The following APBB2 variants were observed in gnomAD, a reference collection of about 807,000 sequenced individuals.
APBB2 encodes Fe65-like 1.
In APBB2, 38 loss-of-function variants were observed where a neutral mutation model predicts 82.5. The ratio of observed to expected loss-of-function variants is 0.46; its 90% confidence interval spans 0.36 to 0.60. The LOEUF is 0.60. APBB2 is among the 20% of genes least tolerant of loss of function. The pLI, the probability that APBB2 is intolerant of heterozygous loss-of-function variation, is 0.00. For synonymous variants in APBB2, 341 were observed against 368.2 expected (o/e 0.93, Z 0.85); for missense variants, 772 against 972.3 (o/e 0.79, Z 2.74).
chr4:41,137,855 A>G (rs1170211142), intron 2 of APBB2, among the ~76,000 whole-genome samples: 1 of 152,206 alleles, frequency 6.6e-6, no homozygotes, highest in Non-Finnish European at 1.5e-5. Flanking sequence ...CACCATACAT[A>G]AAAATTGACC....
At chr4:41,162,745 C>G (rs1196194461) in intron 1 of APBB2, among the ~76,000 whole-genome samples, 1 of 152,124 alleles carries the variant, frequency 6.6e-6, no homozygotes. Flanking sequence ...GGTCCCAGCA[C>G]TCAGGAGGCT....
rs2154298732 is a variant in APBB2 at position 40,826,035 on chromosome 4, G to A, written c.1733-65C>T. ...CAACACACATGTACACAACAGCCGTGGCTCTGCATCATCTGAATGCTCAGG... is the reference window on the plus strand; with the variant it reads ...CAACACACATGTACACAACAGCCGTAGCTCTGCATCATCTGAATGCTCAGG... On this transcript the variant is annotated intron_variant, in intron 14 of 17. Transcript: ENST00000508593. This position sits in a 1 kb window ranked among gnomAD's most constrained non-coding sequence, Gnocchi z 4.5. The A allele has an allele frequency of 7.9e-7, 1 of 1,268,426 alleles. No individual in the cohort carries two copies. The highest frequency in any genetic ancestry group is 1.2e-6 in the Non-Finnish European group (1 of 865,344). 78.6% of individuals were successfully genotyped at this position (1,268,426 alleles called of 1,614,324 possible). A position where few individuals can be genotyped will look rare whatever the true frequency, so the allele number is the denominator to read the frequency against.
chr4:41,167,760 T>C (rs1338901104), intron 1 of APBB2, among the ~76,000 whole-genome samples: 4 of 152,148 alleles, frequency 2.6e-5, no homozygotes, highest in African/African-American at 9.7e-5. Context: ...GATCCTAGTA[T>C]GAGGCTCAAA....
intron 3 of APBB2, among the ~76,000 whole-genome samples, chr4:41,070,362 T>G (rs956905914): frequency 2.6e-5 from 4 of 152,046 alleles, no homozygotes. Flanking sequence ...CAGACTGGAG[T>G]GCGGTGGTGA....
intron 1 of APBB2, among the ~76,000 whole-genome samples, chr4:41,194,991 T>C: frequency 3.9e-5 from 6 of 152,178 alleles, no homozygotes; most frequent in African/African-American, 1.4e-4. Context: ...TTACATGGTC[T>C]TCTTTTGGCT....
rs563060262 is a variant in APBB2, at chr4:40,885,200, T to C, written c.1529+5164A>G. 1.4e-4 allele frequency among the ~76,000 whole-genome samples: 22 copies of C among 152,338 alleles called. No homozygotes were observed. In the South Asian group the frequency reaches 4.3e-3, roughly 30 times the overall value. ...TTCAAGGCATGATAAATCTAAGTCCTGGCAGCCAGGCTGCAAATGTAACAA... is the reference window on the plus strand; with the variant it reads ...TTCAAGGCATGATAAATCTAAGTCCCGGCAGCCAGGCTGCAAATGTAACAA... On this transcript the variant is annotated intron_variant, in intron 12 of 17. Transcript: ENST00000508593.
At chr4:40,924,489 C>A (rs1315921751) in intron 10 of APBB2, among the ~76,000 whole-genome samples, 1 of 152,180 alleles carries the variant, frequency 6.6e-6, no homozygotes, top group African/African-American at 2.4e-5. Flanking sequence ...GCTGCCATTG[C>A]CAAGAAGAGC....
At chr4:41,012,239 G>T (rs988024189) in intron 6 of APBB2, among the ~76,000 whole-genome samples, 1 of 152,210 alleles carries the variant, frequency 6.6e-6, no homozygotes, top group Non-Finnish European at 1.5e-5. Context: ...TGACCAGAGG[G>T]AGACAGCAAG....
intron 6 of APBB2, among the ~76,000 whole-genome samples, chr4:40,997,896 C>A (rs1230802921): frequency 6.6e-6 from 1 of 152,162 alleles, no homozygotes; most frequent in African/African-American, 2.4e-5. Context: ...GCTTCCATGG[C>A]ATACTGAAGT....
chr4:40,947,963 C>A (rs1788908646), intron 6 of APBB2, among the ~76,000 whole-genome samples: 1 of 152,154 alleles, frequency 6.6e-6, no homozygotes, highest in Non-Finnish European at 1.5e-5. Flanking sequence ...GAACTTGGCA[C>A]TTAGCAAAAG....
At chr4:41,137,358 G>A (rs113654437) in intron 2 of APBB2, among the ~76,000 whole-genome samples, 13 of 152,142 alleles carry the variant, frequency 8.5e-5, no homozygotes, top group African/African-American at 3.1e-4. Flanking sequence ...GTATAAAAAT[G>A]ATTACCACCT....
Position 40,907,671 on chromosome 4 carries a change from C to CT in APBB2, c.1255-14261dup, listed in dbSNP as rs34413606. Among the ~76,000 whole-genome samples the CT allele has an allele frequency of 2.2e-3, 206 of 94,838 alleles. 1 individual carries two copies. Among genetic ancestry groups the CT allele is most frequent in the Middle Eastern group, 7.5e-3 (1 of 134 alleles). The allele number at this position is 94,838 out of a possible 152,430, so 62.2% of individuals were successfully genotyped here. On this transcript the variant is annotated intron_variant, in intron 10 of 17. Transcript: ENST00000508593. ...CAGGTGTGAGCCACTGTGCCTGACC[C>CT]TTTTTTTTTTTTTTTTTTTTTGAGA...
At chr4:40,999,965 G>A (rs1419672920) in intron 6 of APBB2, among the ~76,000 whole-genome samples, 1 of 151,722 alleles carries the variant, frequency 6.6e-6, no homozygotes, top group Non-Finnish European at 1.5e-5. Context: ...AGGCCGTTGA[G>A]CCCAGGAGTT....
chr4:40,858,152 T>C (rs1488460946), intron 12 of APBB2, among the ~76,000 whole-genome samples: 2 of 152,190 alleles, frequency 1.3e-5, no homozygotes, highest in East Asian at 3.9e-4. Context: ...AAATGTCCAA[T>C]TGGCTAAGTG....
At chr4:41,105,349 T>C (rs1482894499) in intron 2 of APBB2, among the ~76,000 whole-genome samples, 1 of 152,220 alleles carries the variant, frequency 6.6e-6, no homozygotes, top group Non-Finnish European at 1.5e-5. Context: ...ACTACATGTT[T>C]TGTTTCATTT....
At chr4:41,142,563 C>A (rs1279289459) in intron 2 of APBB2, among the ~76,000 whole-genome samples, 1 of 152,210 alleles carries the variant, frequency 6.6e-6, no homozygotes, top group Non-Finnish European at 1.5e-5. Context: ...ATGCCCCACC[C>A]TTCAAAGTTC....
chr4:40,930,473 G>A (rs533352929), intron 10 of APBB2, among the ~76,000 whole-genome samples: 172 of 141,648 alleles, frequency 1.2e-3, no homozygotes, highest in Admixed American at 1.9e-3. Context: ...GCGCGTGCGC[G>A]TGCGCGTATG....
chr4:40,883,957 T>C (rs1048517903), intron 12 of APBB2, among the ~76,000 whole-genome samples: 2 of 152,212 alleles, frequency 1.3e-5, no homozygotes, highest in Non-Finnish European at 2.9e-5. Flanking sequence ...CCACCTTTGC[T>C]TTCCATTCAC....
chr4:41,048,191 A>G (rs1480027943), intron 4 of APBB2, among the ~76,000 whole-genome samples: 2 of 152,234 alleles, frequency 1.3e-5, no homozygotes, highest in Non-Finnish European at 2.9e-5. Context: ...AAAGGCTCCA[A>G]TGAGCATTTC....
Sources: allele counts gnomAD v4.1 joint callset (sites outside exome capture counted in the v4.1 genomes callset), GRCh38; gene constraint gnomAD v4.1.1; non-coding constraint Gnocchi (gnomAD v3.1); transcripts MANE v1.5; gene names NCBI Gene and HGNC (gene_info 2026-07-23, HGNC 2026-07-21).